The following NOTCH1 variants were observed in gnomAD, a reference collection of about 807,000 sequenced individuals.
NOTCH1 encodes neurogenic locus notch homolog protein 1.
Under a neutral mutation model 254.8 loss-of-function variants are expected in NOTCH1, and 37 were observed. The ratio of observed to expected loss-of-function variants is 0.15; its 90% CI spans 0.11 to 0.19. The LOEUF is 0.19. NOTCH1 is among the 10% of genes least tolerant of loss of function. The pLI is 1.00. For missense variants in NOTCH1, 2,972 were observed against 3,708.6 expected (o/e 0.80, Z 5.16); for synonymous variants, 1,731 against 1,618.1 (o/e 1.07, Z -1.68).
rs529806324 is a variant in NOTCH1 at position 136,515,284 on chromosome 9, G to A, written c.2014+6C>T. ...GCAGTCAGCCCCCACGTGCAGGGCC[G>A]CTCACCTGTGTAGCCCGGCTCACAG... On this transcript the variant is annotated splice_donor_region_variant and intron_variant, in intron 12 of 33. Coordinates refer to ENST00000651671, the MANE Select transcript of NOTCH1 (RefSeq NM_017617.5). 20 of 1,611,828 alleles carry A rather than the reference G, an allele frequency of 1.2e-5. No homozygotes were observed. Among genetic ancestry groups the A allele is most frequent in the Admixed American group, 1.2e-4 (7 of 60,022 alleles).
intron 2 of NOTCH1, among the ~76,000 whole-genome samples, chr9:136,524,565 A>G (rs983813107): frequency 1.3e-5 from 2 of 151,832 alleles, no homozygotes; most frequent in African/African-American, 4.8e-5. Flanking sequence ...TCCAACCTTC[A>G]GGTGTCAACA....
At chr9:136,514,789 G>T in intron 12 of NOTCH1, 87 bp from the exon 13 acceptor site, 1 of 1,342,674 alleles carries the variant, frequency 7.4e-7, no homozygotes, top group East Asian at 2.5e-5. Flanking sequence ...TGTTGAGCCG[G>T]GGCGATCACC....
At chr9:136,497,590 G>A (rs1589053663) in intron 33 of NOTCH1, 32 bp from the exon 34 acceptor site, 1 of 1,523,082 alleles carries the variant, frequency 6.6e-7, no homozygotes, top group East Asian at 2.3e-5. Flanking sequence ...CGGTGAGGGG[G>A]GCCAGGCCAG....
At chr9:136,509,982 G>A (rs769254524) in intron 17 of NOTCH1, 21 bp from the exon 18 acceptor site, 2 of 1,605,388 alleles carry the variant, frequency 1.2e-6, no homozygotes. Flanking sequence ...ACGGAAGGGT[G>A]AGTGTGAGGG....
chr9:136,544,995 A>C (rs2133407464), intron 1 of NOTCH1, among the ~76,000 whole-genome samples: 1 of 152,060 alleles, frequency 6.6e-6, no homozygotes, highest in Middle Eastern at 3.4e-3. Flanking sequence ...TGGATTAATC[A>C]CTCGATTCCC....
Position 136,496,693 on chromosome 9 carries a change from G to A in NOTCH1, c.7046C>T (p.Pro2349Leu), listed in dbSNP as rs540165156. 48 of 1,612,846 alleles carry A rather than the reference G, an allele frequency of 3.0e-5. No homozygotes were observed. Among genetic ancestry groups the A allele is most frequent in the South Asian group, 2.6e-4 (24 of 91,078 alleles). ...APSLQHGMVG[P>L]LHSSLAASAL... is the part of the protein sequence containing the mutation. Reference sequence around the variant, plus strand: ...GCTGGCAGCAAGGCTACTGTGCAGCGGGCCTACCATGCCATGCTGCAGGGA... The same window carrying A: ...GCTGGCAGCAAGGCTACTGTGCAGCAGGCCTACCATGCCATGCTGCAGGGA... Residue 2349 changes from proline to leucine, a missense_variant, in exon 34 of 34, where the codon CCG (proline) becomes CTG (leucine). This residue lies in a region of NOTCH1 where 529 missense variants were observed against 529.2 expected (regional missense o/e 1.00). Transcript: ENST00000651671.
intron 2 of NOTCH1, among the ~76,000 whole-genome samples, chr9:136,526,333 A>G (rs1350643325): frequency 1.3e-5 from 2 of 152,148 alleles, no homozygotes; most frequent in Non-Finnish European, 2.9e-5. Flanking sequence ...CCGCTTGGAG[A>G]AAAGGCCCTT....
intron 15 of NOTCH1, among the ~76,000 whole-genome samples, chr9:136,512,607 C>G (rs531812192): frequency 6.6e-6 from 1 of 152,324 alleles, no homozygotes; most frequent in Non-Finnish European, 1.5e-5. Context: ...AAGCCCGGCC[C>G]CCAGAGACCC....
Position 136,522,846 on chromosome 9 carries a change from C to T in NOTCH1, c.742+4G>A, listed in dbSNP as rs752378017. 8 of 1,489,356 alleles carry T rather than the reference C, an allele frequency of 5.4e-6. No individual in the cohort carries two copies. The highest frequency in any genetic ancestry group is 7.1e-6 in the Non-Finnish European group (8 of 1,119,462). 92.3% of individuals were successfully genotyped at this position (1,489,356 alleles called of 1,614,324 possible). A position where few individuals can be genotyped will look rare whatever the true frequency, so the allele number is the denominator to read the frequency against. On this transcript the variant is annotated splice_donor_region_variant and intron_variant, in intron 4 of 33. Transcript: ENST00000651671. ...CGTGCACCCCGGCCAGCGGGCAGCA[C>T]TACCTGGCAGGCAGGCACACTCGTG...
At position 136,507,310 on chromosome 9, in the gene NOTCH1, G is replaced by A. The variant is rs750536437; in HGVS notation, c.3638C>T (p.Thr1213Ile). 2.5e-6 allele frequency: 4 copies of A among 1,612,798 alleles called. No individual in the cohort carries two copies. The highest frequency in any genetic ancestry group is 1.7e-5 in the Admixed American group (1 of 60,006). ...CTCCGTGCAGCGGCCCTTACCCTGA[G>A]TGCCCCGTGGGCAGGAGCACTTGTA... ...NTYKCSCPRGTQGVHCEINVD... is the reference protein window; with the variant it reads ...NTYKCSCPRGIQGVHCEINVD... The change falls in exon 22 of 34, where the codon ACT (threonine) becomes ATT (isoleucine). Residue 1213 changes from threonine (T) to isoleucine (I), a missense_variant. Transcript: ENST00000651671.
chr9:136,525,087 C>T (rs1046262685), intron 2 of NOTCH1, among the ~76,000 whole-genome samples: 3 of 152,206 alleles, frequency 2.0e-5, no homozygotes, highest in Admixed American at 6.5e-5. Context: ...GTCTTCATAA[C>T]TCACATCCAG....
intron 33 of NOTCH1, among the ~76,000 whole-genome samples, chr9:136,498,301 C>A (rs1278163778): frequency 1.3e-5 from 2 of 151,052 alleles, no homozygotes; most frequent in African/African-American, 4.9e-5. Flanking sequence ...CCTGAGCACC[C>A]AGGGGAAACC....
In NOTCH1 at chr9:136,515,400, C is replaced by A. The variant is rs1485274124; in HGVS notation, c.1904G>T (p.Gly635Val). The A allele has an allele frequency of 6.2e-7, 1 of 1,612,788 alleles. No homozygotes were observed. The highest frequency in any genetic ancestry group is 1.3e-5 in the African/African-American group (1 of 74,930). ...YLCFCLKGTT[G>V]PNCEINLDDC... ...ATCCAGGTTGATCTCGCAGTTGGGT[C>A]CTGAAGGGGTGGCACGTGTCGGTCA... Residue 635 changes from glycine to valine, a missense_variant and splice_region_variant, in exon 12 of 34, where the codon GGA becomes GTA. By Grantham distance (109) the Gly-to-Val change is moderately radical (BLOSUM62 -3). Coordinates refer to ENST00000651671, the MANE Select transcript of NOTCH1 (RefSeq NM_017617.5).
rs1380449680 is a variant in NOTCH1, at chr9:136,499,006, A to C, written c.6083-10T>G. 2.6e-5 allele frequency: 42 copies of C among 1,613,132 alleles called. No individual in the cohort carries two copies. Among genetic ancestry groups the C allele is most frequent in the Non-Finnish European group, 3.3e-5 (39 of 1,180,022 alleles). On this transcript the variant is annotated splice_polypyrimidine_tract_variant and intron_variant, in intron 32 of 33. Coordinates refer to ENST00000651671, the MANE Select transcript of NOTCH1 (RefSeq NM_017617.5). ...TGCAGGGCGGACTTGCCTGCGTGAA[A>C]GAAGCAGATGGGGTAGGTTGGAGAC... is the stretch of plus-strand genomic sequence containing the variant.
At chr9:136,499,768 C>T (rs971447150) in intron 31 of NOTCH1, among the ~76,000 whole-genome samples, 1 of 152,212 alleles carries the variant, frequency 6.6e-6, no homozygotes. Flanking sequence ...GCAACTTGGC[C>T]TGATTCCTGC....
At position 136,510,642 on chromosome 9, in the gene NOTCH1, G is replaced by C. The variant is rs1439443450; in HGVS notation, c.2740+11C>G. The C allele has an allele frequency of 6.2e-7, 1 of 1,602,256 alleles. No homozygotes were observed. The highest frequency in any genetic ancestry group is 2.2e-5 in the East Asian group (1 of 44,586). ...CTTCCTGGAGGAGGCCAGAGCCGCGGGGCTACTCACTGGGCCGGCAGTCGT... is the reference window on the plus strand; with the variant it reads ...CTTCCTGGAGGAGGCCAGAGCCGCGCGGCTACTCACTGGGCCGGCAGTCGT... On this transcript the variant is annotated intron_variant, in intron 17 of 33. Transcript: ENST00000651671.
Position 136,505,790 on chromosome 9 carries a change from C to T in NOTCH1, c.4106G>A (p.Ser1369Asn), listed in dbSNP as rs1377417317. Reference protein sequence around the residue: ...NGGTCISGPRSPTCLCLGPFT... With the variant: ...NGGTCISGPRNPTCLCLGPFT... The stretch of plus-strand genomic sequence containing the variant: ...GGGGCCCAGGCACAGGCAGGTGGGG[C>T]TGCGCGGGCCGGAGATGCATGTGCC... Residue 1369 changes from serine to asparagine, a missense_variant, in exon 25 of 34, where the codon AGC (serine) becomes AAC (asparagine). Ser to Asn is a conservative substitution (Grantham distance 46, BLOSUM62 1). Coordinates refer to ENST00000651671, the MANE Select transcript of NOTCH1 (RefSeq NM_017617.5). 4.4e-6 allele frequency: 7 copies of T among 1,582,232 alleles called. No homozygotes were observed. The highest frequency in any genetic ancestry group is 6.0e-6 in the Non-Finnish European group (7 of 1,165,612).
At chr9:136,541,693 G>C (rs1021350773) in intron 2 of NOTCH1, among the ~76,000 whole-genome samples, 4 of 152,240 alleles carry the variant, frequency 2.6e-5, no homozygotes, top group Non-Finnish European at 1.5e-5. Flanking sequence ...CAAGCCCAGG[G>C]AGGGAGCCCG....
At chr9:136,528,443 G>GGACAGTGA (rs1564206696) in intron 2 of NOTCH1, among the ~76,000 whole-genome samples, 18 of 64,748 alleles carry the variant, frequency 2.8e-4, no homozygotes, top group Non-Finnish European at 4.1e-4. Flanking sequence ...GGACGGTGAG[G>GGACAGTGA]GGGGGATGGG....
Sources: allele counts gnomAD v4.1 joint callset (sites outside exome capture counted in the v4.1 genomes callset), GRCh38; gene constraint gnomAD v4.1.1; regional missense constraint gnomAD v4.1.1; transcripts MANE v1.5; gene names NCBI Gene and HGNC (gene_info 2026-07-23, HGNC 2026-07-21).